The following CNTNAP2 variants were observed in gnomAD, a reference collection of about 807,000 sequenced individuals.
CNTNAP2 encodes the protein contactin associated protein 2, also known as contactin-associated protein-like 2.
CNTNAP2 carries 98 observed loss-of-function variants against 155.2 expected under a neutral mutation model. That is an observed-to-expected ratio of 0.63 (90% CI 0.54 to 0.75). The LOEUF (loss-of-function observed/expected upper bound fraction) is 0.75. Ranked by LOEUF, CNTNAP2 falls within the 30% of genes least tolerant of loss-of-function variation. CNTNAP2 has a pLI of 0.00. For missense variants in CNTNAP2, 1,727 were observed against 1,688.1 expected, an observed-to-expected ratio of 1.02 and a Z score of -0.40; for synonymous variants, 651 against 631.2, an observed-to-expected ratio of 1.03 and a Z score of -0.47.
At chr7:147,190,150 A>G (rs2116521318) in intron 8 of CNTNAP2, among the ~76,000 whole-genome samples, 1 of 152,276 alleles carries the variant, frequency 6.6e-6, no homozygotes, top group South Asian at 2.1e-4. Flanking sequence ...AGCTGCAAGA[A>G]GCTCTTCCAG....
intron 1 of CNTNAP2, among the ~76,000 whole-genome samples, chr7:146,247,202 A>G (rs1799675319): frequency 6.6e-6 from 1 of 152,186 alleles, no homozygotes; most frequent in Admixed American, 6.5e-5. Context: ...TTGATGAAAG[A>G]GCCTAAACGC....
intron 8 of CNTNAP2, among the ~76,000 whole-genome samples, chr7:147,255,222 T>TACAC (rs377206800): frequency 2.4e-4 from 36 of 151,722 alleles, no homozygotes; most frequent in African/African-American, 8.0e-4. Context: ...AAATATTACA[T>TACAC]ACACACACAC....
intron 1 of CNTNAP2, among the ~76,000 whole-genome samples, chr7:146,323,552 C>A (rs1345570801): frequency 6.6e-6 from 1 of 151,792 alleles, no homozygotes; most frequent in Non-Finnish European, 1.5e-5. Flanking sequence ...ATCCTTGCAT[C>A]CTTACATAAC....
intron 14 of CNTNAP2, among the ~76,000 whole-genome samples, chr7:147,921,173 T>TA (rs1312431759): frequency 6.6e-6 from 1 of 152,154 alleles, no homozygotes; most frequent in Non-Finnish European, 1.5e-5. Context: ...ATTTATTTTT[T>TA]ATTTTCATAA....
At chr7:146,552,103 A>G (rs1156231272) in intron 1 of CNTNAP2, among the ~76,000 whole-genome samples, 2 of 152,164 alleles carry the variant, frequency 1.3e-5, no homozygotes, top group African/African-American at 2.4e-5. Flanking sequence ...TCTAACAGCC[A>G]TGAAGAAATA....
At chr7:147,801,354 T>C (rs576175851) in intron 13 of CNTNAP2, among the ~76,000 whole-genome samples, 297 of 150,904 alleles carry the variant, frequency 2.0e-3, no homozygotes, top group Non-Finnish European at 3.7e-3. Context: ...TTGATCATTC[T>C]TGGGTGTTTT....
intron 1 of CNTNAP2, among the ~76,000 whole-genome samples, chr7:146,387,036 C>T (rs916301208): frequency 6.6e-6 from 1 of 152,154 alleles, no homozygotes; most frequent in African/African-American, 2.4e-5. Flanking sequence ...AACCCCAAAT[C>T]ACAGTCCCCA....
chr7:147,354,858 T>C (rs1466164969), intron 9 of CNTNAP2, among the ~76,000 whole-genome samples: 1 of 152,136 alleles, frequency 6.6e-6, no homozygotes, highest in Non-Finnish European at 1.5e-5. Context: ...TCACATCCCA[T>C]GTAAGTTGTA....
At chr7:147,856,386 C>T (rs535410253) in intron 13 of CNTNAP2, among the ~76,000 whole-genome samples, 2 of 152,288 alleles carry the variant, frequency 1.3e-5, no homozygotes, top group South Asian at 2.1e-4. Flanking sequence ...TCGCCCTTCT[C>T]ATATCATAAC....
At chr7:148,236,371 C>G (rs893467514) in intron 20 of CNTNAP2, among the ~76,000 whole-genome samples, 44 of 152,168 alleles carry the variant, frequency 2.9e-4, no homozygotes, top group South Asian at 2.1e-4. Context: ...CATTGTTGGT[C>G]AAAGCGGTTT....
chr7:146,304,967 T>C (rs1177314688), intron 1 of CNTNAP2, among the ~76,000 whole-genome samples: 1 of 152,118 alleles, frequency 6.6e-6, no homozygotes, highest in African/African-American at 2.4e-5. Flanking sequence ...TTTGTTCATT[T>C]CTTTTTACTC....
At chr7:146,472,246 T>C (rs1180566733) in intron 1 of CNTNAP2, among the ~76,000 whole-genome samples, 2 of 152,142 alleles carry the variant, frequency 1.3e-5, no homozygotes, top group Non-Finnish European at 2.9e-5. Flanking sequence ...TATATATGGC[T>C]CGTAAATCAA....
intron 8 of CNTNAP2, among the ~76,000 whole-genome samples, chr7:147,206,146 A>T (rs2116560771): frequency 6.6e-6 from 1 of 152,200 alleles, no homozygotes; most frequent in South Asian, 2.1e-4. Context: ...GAAACGTAAA[A>T]ACTTCTTCTC....
chr7:147,824,015 G>GTATCTA, intron 13 of CNTNAP2, among the ~76,000 whole-genome samples: 1 of 152,252 alleles, frequency 6.6e-6, no homozygotes, highest in East Asian at 1.9e-4. Flanking sequence ...TTCAGAAGGT[G>GTATCTA]TATGGGGATG....
chr7:146,357,345 A>G (rs1374075890), intron 1 of CNTNAP2, among the ~76,000 whole-genome samples: 1 of 151,968 alleles, frequency 6.6e-6, no homozygotes, highest in East Asian at 1.9e-4. Context: ...GCTTTTTTCT[A>G]ACATAAAATA....
Position 147,326,091 on chromosome 7 carries a change from TGC to T in CNTNAP2, c.1498+25802_1498+25803del, listed in dbSNP as rs543247951. Reference sequence around the variant, plus strand: ...GCGCACGCCACCACACCCGGCTAATTGCTTTTGTATTTTTAGTAGAGATGGGG... The same window carrying T: ...GCGCACGCCACCACACCCGGCTAATTTTTTGTATTTTTAGTAGAGATGGGG... On this transcript the variant is annotated intron_variant, in intron 9 of 23. Coordinates refer to ENST00000361727, the MANE Select transcript of CNTNAP2 (RefSeq NM_014141.6). Among the ~76,000 whole-genome samples the T allele has an allele frequency of 3.2e-3, 487 of 152,112 alleles. 4 individuals are homozygous for T. Among genetic ancestry groups the T allele is most frequent in the African/African-American group, 0.011 (462 of 41,498 alleles).
At chr7:146,693,519 A>G (rs1244965121) in intron 1 of CNTNAP2, among the ~76,000 whole-genome samples, 1 of 152,156 alleles carries the variant, frequency 6.6e-6, no homozygotes, top group Non-Finnish European at 1.5e-5. Context: ...GCTAGGCTCC[A>G]GGATACTTAG....
chr7:147,580,896 G>A (rs10246304), intron 12 of CNTNAP2, among the ~76,000 whole-genome samples: 105,040 of 152,134 alleles, frequency 0.69, 36,844 homozygotes, highest in African/African-American at 0.81. Context: ...GATTACAGGC[G>A]TGAGCCAGTG....
intron 13 of CNTNAP2, among the ~76,000 whole-genome samples, chr7:147,775,346 T>TCTG (rs1563084631): frequency 8.0e-5 from 3 of 37,420 alleles, no homozygotes; most frequent in Non-Finnish European, 1.3e-4. Context: ...TAAATATATA[T>TCTG]ATTTATATAT....
Sources: gnomAD v4.1 joint callset for allele counts (sites outside exome capture counted in the v4.1 genomes callset) on GRCh38, gnomAD v4.1.1 for gene constraint, MANE v1.5 for transcripts, NCBI Gene and HGNC (gene_info 2026-07-23, HGNC 2026-07-21) for gene names.